The following TMEM50A variants were observed in gnomAD, a reference collection of about 807,000 sequenced individuals.
TMEM50A encodes the protein cervical cancer oncogene 9.
Under a neutral mutation model 23.9 loss-of-function variants are expected in TMEM50A, and 8 were observed. The ratio of observed to expected loss-of-function variants is 0.33; its 90% CI spans 0.20 to 0.60. The LOEUF is 0.60. Ranked by LOEUF, TMEM50A falls within the 20% of genes least tolerant of loss-of-function variation. The probability of loss-of-function intolerance (pLI) is 0.81; values close to 1 mark genes in which losing one functional copy is unlikely to be tolerated. For missense variants in TMEM50A, 178 were observed against 192.7 expected (o/e 0.92, Z 0.45); for synonymous variants, 55 against 60.4 (o/e 0.91, Z 0.41).
chr1:25,349,107 G>A (rs1047825255), intron 3 of TMEM50A, among the ~76,000 whole-genome samples: 1 of 152,190 alleles, frequency 6.6e-6, no homozygotes, highest in Non-Finnish European at 1.5e-5. Flanking sequence ...CTGTCCAGAT[G>A]GGGCAGGAGA....
intron 2 of TMEM50A, among the ~76,000 whole-genome samples, chr1:25,341,390 C>G (rs1280593446): frequency 6.6e-6 from 1 of 152,118 alleles, no homozygotes; most frequent in Admixed American, 6.5e-5. Context: ...TCCCGAGTAG[C>G]TGGGACTACA....
intron 2 of TMEM50A, among the ~76,000 whole-genome samples, chr1:25,340,865 G>T (rs1645160007): frequency 6.6e-6 from 1 of 152,038 alleles, no homozygotes; most frequent in Non-Finnish European, 1.5e-5. Flanking sequence ...GTATATTAAG[G>T]TACAAGGAAG....
chr1:25,341,281 G>A (rs772481419), intron 2 of TMEM50A, among the ~76,000 whole-genome samples: 4 of 151,528 alleles, frequency 2.6e-5, no homozygotes, highest in South Asian at 2.1e-4. Context: ...TTTTTGAGAC[G>A]GAGTCTCAGT....
At chr1:25,341,354 G>A (rs1305405447) in intron 2 of TMEM50A, among the ~76,000 whole-genome samples, 1 of 152,160 alleles carries the variant, frequency 6.6e-6, no homozygotes, top group African/African-American at 2.4e-5. Flanking sequence ...GCTTCCCGGG[G>A]TTCACGCCAT....
At chr1:25,342,860 T>C (rs1262876014) in intron 2 of TMEM50A, 101 bp from the exon 3 acceptor site, 1 of 848,846 alleles carries the variant, frequency 1.2e-6, no homozygotes, top group East Asian at 2.7e-5. Context: ...TAGAACATTT[T>C]TGAAATGTAT....
chr1:25,346,252 TTTTTC>T (rs369749615), intron 3 of TMEM50A, among the ~76,000 whole-genome samples: 3 of 152,156 alleles, frequency 2.0e-5, no homozygotes, highest in South Asian at 2.1e-4. Context: ...GCCTTTCTTT[TTTTTC>T]TTTTCTTTTC....
intron 3 of TMEM50A, 148 bp downstream of exon 3, chr1:25,343,221 T>C (rs942296991): frequency 5.5e-5 from 33 of 595,454 alleles, no homozygotes; most frequent in Non-Finnish European, 7.4e-5. Flanking sequence ...GATGGACTTA[T>C]ACAGAAAAGC....
chr1:25,358,105 G>C (rs1182001481), intron 6 of TMEM50A, among the ~76,000 whole-genome samples: 1 of 151,700 alleles, frequency 6.6e-6, no homozygotes, highest in Non-Finnish European at 1.5e-5. Context: ...CTGCCAGCAC[G>C]CCCAGCTAAT....
At chr1:25,360,348 C>CA (rs766272933) in intron 6 of TMEM50A, among the ~76,000 whole-genome samples, 3,135 of 81,248 alleles carry the variant, frequency 0.039, 56 homozygotes, top group African/African-American at 0.082. Context: ...GACTCTGTCT[C>CA]AAAAAAAAAA....
At chr1:25,345,125 T>TC (rs944475058) in intron 3 of TMEM50A, among the ~76,000 whole-genome samples, 6 of 149,444 alleles carry the variant, frequency 4.0e-5, no homozygotes, top group Non-Finnish European at 7.4e-5. Flanking sequence ...ATCTTCTTTT[T>TC]TTTTTTTTTT....
intron 3 of TMEM50A, among the ~76,000 whole-genome samples, chr1:25,347,866 C>T (rs892449380): frequency 4.6e-5 from 7 of 152,130 alleles, no homozygotes; most frequent in Non-Finnish European, 1.0e-4. Context: ...TTTATTTTAC[C>T]GTAATAATGA....
At chr1:25,339,353 T>A (rs1369195921) in intron 1 of TMEM50A, among the ~76,000 whole-genome samples, 1 of 152,210 alleles carries the variant, frequency 6.6e-6, no homozygotes, top group Admixed American at 6.5e-5. Context: ...AGCAGTTGGA[T>A]TTTTGTAATC....
intron 4 of TMEM50A, among the ~76,000 whole-genome samples, 166 bp downstream of exon 4, chr1:25,351,859 A>G (rs1645278492): frequency 1.3e-5 from 2 of 152,202 alleles, no homozygotes; most frequent in Non-Finnish European, 2.9e-5. Context: ...GAATTAATAT[A>G]TAACATTCTA....
intron 6 of TMEM50A, among the ~76,000 whole-genome samples, chr1:25,358,739 T>C (rs1185945340): frequency 6.6e-6 from 1 of 152,242 alleles, no homozygotes; most frequent in African/African-American, 2.4e-5. Context: ...CAGGAAACTC[T>C]TCCGATTAGA....
chr1:25,352,902 G>A lies in TMEM50A; in HGVS notation c.295G>A (p.Val99Ile), dbSNP rs11542470. The change falls in exon 5 of 7, where the codon GTT (valine) becomes ATT (isoleucine). Residue 99 changes from valine to isoleucine, a missense_variant. By Grantham distance (29) the Val-to-Ile change is conservative. Coordinates refer to ENST00000374358, the MANE Select transcript of TMEM50A (RefSeq NM_014313.4). ...TGAAGGTGCTCGCATTTGGCTTTTC[G>A]TTGGTTTCATGTTGGCCTTTGGATC... Reference protein sequence around the residue: ...GQTGARIWLFVGFMLAFGSLI... With the variant: ...GQTGARIWLFIGFMLAFGSLI... The A allele has an allele frequency of 1.1e-3, 1,712 of 1,613,348 alleles. 28 individuals are homozygous for A. In the East Asian group the frequency reaches 0.035, roughly 33 times the overall value.
At chr1:25,349,615 C>G (rs1050953896) in intron 3 of TMEM50A, among the ~76,000 whole-genome samples, 2 of 151,858 alleles carry the variant, frequency 1.3e-5, no homozygotes, top group Admixed American at 1.3e-4. Flanking sequence ...ACTAGGATTC[C>G]TATATTCACT....
intron 6 of TMEM50A, among the ~76,000 whole-genome samples, chr1:25,359,148 G>GCCCCATAGAGCATGCAGGCAGGCAT: frequency 6.6e-6 from 1 of 152,010 alleles, no homozygotes; most frequent in African/African-American, 2.4e-5. Context: ...CAGGCAGGCA[G>GCCCCATAGAGCATGCAGGCAGGCAT]CCCCATAGAG....
chr1:25,340,330 ATATTCTGAAGAAG>A, intron 1 of TMEM50A, 131 bp from the exon 2 acceptor site: 1 of 556,028 alleles, frequency 1.8e-6, no homozygotes, highest in Non-Finnish European at 3.2e-6. Context: ...ACTAAATCAA[ATATTCTGAAGAAG>A]TATGTGGAAC....
chr1:25,341,956 T>G (rs1645173442), intron 2 of TMEM50A, among the ~76,000 whole-genome samples: 1 of 151,992 alleles, frequency 6.6e-6, no homozygotes. Context: ...AGTGATTCAC[T>G]GGCCTTGGCC....
Sources: gnomAD v4.1 joint callset for allele counts (sites outside exome capture counted in the v4.1 genomes callset) on GRCh38, gnomAD v4.1.1 for gene constraint, MANE v1.5 for transcripts, NCBI Gene and HGNC (gene_info 2026-07-23, HGNC 2026-07-21) for gene names.